Variants in CDH13 observed in about 807,000 individuals in gnomAD.
CDH13 encodes the protein cadherin 13, also known as cadherin-13.
In CDH13, 24 loss-of-function variants were observed where a neutral mutation model predicts 63.8. The ratio of observed to expected loss-of-function variants is 0.38; its 90% CI spans 0.27 to 0.53. The LOEUF (loss-of-function observed/expected upper bound fraction) is 0.53. Ranked by LOEUF, CDH13 falls within the 20% of genes least tolerant of loss-of-function variation. CDH13 has a pLI of 0.85. For missense variants in CDH13, 1,049 were observed against 903.1 expected (o/e 1.16, Z -2.07); for synonymous variants, 503 against 355.3 (o/e 1.42, Z -4.67).
intron 2 of CDH13, among the ~76,000 whole-genome samples, chr16:83,021,832 A>G (rs186107277): frequency 1.3e-5 from 2 of 152,198 alleles, no homozygotes; most frequent in Admixed American, 6.6e-5. Context: ...CTCTAGGCCA[A>G]ACATGGAACA....
intron 11 of CDH13, among the ~76,000 whole-genome samples, chr16:83,760,568 G>A (rs138603141): frequency 6.6e-6 from 1 of 152,336 alleles, no homozygotes; most frequent in African/African-American, 2.4e-5. Context: ...ATAGTGTGCA[G>A]CAAAAGAAGG....
chr16:83,175,489 C>G (rs1170690237), intron 4 of CDH13, among the ~76,000 whole-genome samples: 1 of 151,958 alleles, frequency 6.6e-6, no homozygotes, highest in African/African-American at 2.4e-5. Context: ...ATCAGAGCAT[C>G]CAGGAGAAAC....
intron 1 of CDH13, among the ~76,000 whole-genome samples, chr16:82,643,742 A>G (rs546640325): frequency 1.3e-5 from 2 of 152,230 alleles, no homozygotes; most frequent in African/African-American, 4.8e-5. Flanking sequence ...GAGATGGTTT[A>G]GTGTTACTGA....
intron 1 of CDH13, among the ~76,000 whole-genome samples, chr16:82,768,127 G>A (rs1159891669): frequency 6.6e-6 from 1 of 152,220 alleles, no homozygotes; most frequent in Non-Finnish European, 1.5e-5. Flanking sequence ...ATGAAGTCAT[G>A]AGAGACGCAC....
chr16:83,021,342 G>C (rs557210440), intron 2 of CDH13, among the ~76,000 whole-genome samples: 1 of 152,114 alleles, frequency 6.6e-6, no homozygotes, highest in African/African-American at 2.4e-5. Context: ...ACACAAATTC[G>C]TAGTGATTAT....
chr16:83,228,936 C>T (rs139264449), intron 5 of CDH13, among the ~76,000 whole-genome samples: 107 of 152,304 alleles, frequency 7.0e-4, no homozygotes, highest in African/African-American at 2.3e-3. Flanking sequence ...GAGTGACACA[C>T]ATCAGATAGA....
intron 5 of CDH13, among the ~76,000 whole-genome samples, chr16:83,324,165 T>C (rs1462155401): frequency 6.6e-6 from 1 of 151,950 alleles, no homozygotes; most frequent in African/African-American, 2.4e-5. Flanking sequence ...GCCTCCTGAG[T>C]ATCTGCGATG....
At position 83,244,574 on chromosome 16, in the gene CDH13, A is replaced by G. The variant is rs150359362; in HGVS notation, c.636+27077A>G. Among the ~76,000 whole-genome samples the G allele has an allele frequency of 3.6e-3, 547 of 152,268 alleles. 4 individuals are homozygous for G. Among genetic ancestry groups the G allele is most frequent in the African/African-American group, 0.011 (468 of 41,554 alleles). ...TTCTTGCAAACTGTTGATGAATGCT[A>G]TGTGTGTCATTGGTCCCCAACACCA... On this transcript the variant is annotated intron_variant, in intron 5 of 13. Coordinates refer to ENST00000567109, the MANE Select transcript of CDH13 (RefSeq NM_001257.5).
chr16:83,191,528 C>CATATAT (rs1479803621), intron 4 of CDH13, among the ~76,000 whole-genome samples: 58 of 70,070 alleles, frequency 8.3e-4, no homozygotes, highest in Middle Eastern at 7.2e-3. Context: ...CACACACACA[C>CATATAT]ACATATATAT....
chr16:83,768,257 C>A (rs970821125), intron 11 of CDH13, among the ~76,000 whole-genome samples: 1 of 118,652 alleles, frequency 8.4e-6, no homozygotes, highest in African/African-American at 2.8e-5. Context: ...AGCTACTGAA[C>A]AACAGAACCT....
At chr16:82,653,961 C>A (rs536375107) in intron 1 of CDH13, among the ~76,000 whole-genome samples, 1 of 152,108 alleles carries the variant, frequency 6.6e-6, no homozygotes, top group East Asian at 1.9e-4. Context: ...ATTAACTGTA[C>A]GGGGTTACAG....
chr16:83,233,579 C>T (rs368441363), intron 5 of CDH13, among the ~76,000 whole-genome samples: 19 of 152,296 alleles, frequency 1.2e-4, no homozygotes, highest in African/African-American at 4.3e-4. Flanking sequence ...CATTCTCCGA[C>T]CTTTTCCAAC....
chr16:83,592,652 C>G (rs996533022), intron 7 of CDH13, among the ~76,000 whole-genome samples: 4 of 152,194 alleles, frequency 2.6e-5, no homozygotes, highest in Non-Finnish European at 5.9e-5. Context: ...CCACATATGT[C>G]TAAGAGACAG....
chr16:83,133,511 GT>G (rs2036147425), intron 4 of CDH13, among the ~76,000 whole-genome samples: 1 of 152,096 alleles, frequency 6.6e-6, no homozygotes, highest in South Asian at 2.1e-4. Flanking sequence ...GTGGAATTAT[GT>G]TTTTGAGACA....
intron 6 of CDH13, among the ~76,000 whole-genome samples, chr16:83,375,453 T>C (rs1423661220): frequency 6.6e-6 from 1 of 152,192 alleles, no homozygotes; most frequent in African/African-American, 2.4e-5. Context: ...TCTGCTGACA[T>C]CTTATGAGTA....
Position 83,026,338 on chromosome 16 carries a change from G to A in CDH13, c.158-5672G>A, listed in dbSNP as rs148380460. 5.5e-3 allele frequency among the ~76,000 whole-genome samples: 840 copies of A among 152,292 alleles called. 4 individuals carry two copies. Among genetic ancestry groups the A allele is most frequent in the Non-Finnish European group, 7.6e-3 (520 of 68,032 alleles). On this transcript the variant is annotated intron_variant, in intron 2 of 13. Coordinates refer to ENST00000567109, the MANE Select transcript of CDH13 (RefSeq NM_001257.5). ...CAGATCAGAGAAGGTTCTCGCTCTA[G>A]GCCTTTCTGGATATGGGACCACGAG...
chr16:82,746,285 T>TGTTTATATATAAACACACTGTATGC (rs2034170829), intron 1 of CDH13, among the ~76,000 whole-genome samples: 1 of 151,254 alleles, frequency 6.6e-6, no homozygotes, highest in African/African-American at 2.4e-5. Context: ...ACACTGTATG[T>TGTTTATATATAAACACACTGTATGC]ATGATGCATG....
chr16:82,895,842 A>C (rs1276842543), intron 2 of CDH13, among the ~76,000 whole-genome samples: 2 of 152,222 alleles, frequency 1.3e-5, no homozygotes, highest in Non-Finnish European at 2.9e-5. Context: ...TCCAGTATCA[A>C]CTTGCAGTAC....
intron 11 of CDH13, among the ~76,000 whole-genome samples, chr16:83,764,494 A>G (rs946516853): frequency 6.6e-6 from 1 of 152,222 alleles, no homozygotes; most frequent in Admixed American, 6.5e-5. Context: ...CAACCAGTTC[A>G]TCCTGCCAAA....
Sources: allele counts gnomAD v4.1 joint callset (sites outside exome capture counted in the v4.1 genomes callset), GRCh38; gene constraint gnomAD v4.1.1; transcripts MANE v1.5; gene names NCBI Gene and HGNC (gene_info 2026-07-23, HGNC 2026-07-21).